HMGCLL1: variants seen among roughly 807,000 people sequenced by gnomAD.
HMGCLL1 encodes 3-hydroxymethyl-3-methylglutaryl-CoA lyase, cytoplasmic.
In HMGCLL1, 36 loss-of-function variants were observed where a neutral mutation model predicts 39.1. The observed-to-expected ratio is 0.92, with a 90% CI of 0.71 to 1.22. The LOEUF is 1.22. HMGCLL1 is among the 50% of genes most tolerant of loss of function. The probability of loss-of-function intolerance (pLI) is 0.00; values close to 1 mark genes in which losing one functional copy is unlikely to be tolerated. For synonymous variants in HMGCLL1, 149 were observed against 144.0 expected (o/e 1.03, Z -0.25); for missense variants, 451 against 416.5 (o/e 1.08, Z -0.72).
chr6:55,496,756 T>C (rs1051011343), intron 6 of HMGCLL1, among the ~76,000 whole-genome samples: 1 of 152,136 alleles, frequency 6.6e-6, no homozygotes, highest in East Asian at 1.9e-4. Flanking sequence ...CATCATAGAT[T>C]GAGGTCTCCA....
At chr6:55,618,492 T>A in the HMGCLL1 span, among the ~76,000 whole-genome samples, 5 of 151,886 alleles carry the variant, frequency 3.3e-5, no homozygotes, top group Non-Finnish European at 5.9e-5. Context: ...AGAGAACAAA[T>A]AGAGAAGAAA....
chr6:55,627,951 CTATATATATAA>C, the HMGCLL1 span, among the ~76,000 whole-genome samples: 1 of 4,572 alleles, frequency 2.2e-4, no homozygotes, highest in African/African-American at 1.2e-3. Flanking sequence ...AGTATATATA[CTATATATATAA>C]TATATATATA....
chr6:55,580,409 T>TC (rs1771957715), upstream of HMGCLL1, among the ~76,000 whole-genome samples: 22 of 50,146 alleles, frequency 4.4e-4, no homozygotes, highest in Non-Finnish European at 6.6e-4. Flanking sequence ...TTTCTTTCTT[T>TC]TTTTTTTTTT....
At chr6:55,588,238 G>A in the HMGCLL1 span, among the ~76,000 whole-genome samples, 1 of 152,086 alleles carries the variant, frequency 6.6e-6, no homozygotes, top group Admixed American at 6.6e-5. Context: ...CCAGAACTCA[G>A]GATGAAGAAA....
At chr6:55,463,918 GA>G (rs1412452250) in intron 7 of HMGCLL1, among the ~76,000 whole-genome samples, 2 of 152,026 alleles carry the variant, frequency 1.3e-5, no homozygotes, top group Admixed American at 1.3e-4. Flanking sequence ...AAAATAGGAA[GA>G]AAAAATGAGA....
chr6:55,593,464 A>G, the HMGCLL1 span, among the ~76,000 whole-genome samples: 2 of 152,174 alleles, frequency 1.3e-5, no homozygotes, highest in African/African-American at 4.8e-5. Flanking sequence ...GTGTGGGAGA[A>G]GTGATATTTC....
At chr6:55,536,840 C>T (rs556212603) in intron 3 of HMGCLL1, among the ~76,000 whole-genome samples, 1 of 152,046 alleles carries the variant, frequency 6.6e-6, no homozygotes, top group Non-Finnish European at 1.5e-5. Context: ...AGGAGGGAAA[C>T]TGTAAAAAAG....
chr6:55,603,588 A>G, the HMGCLL1 span, among the ~76,000 whole-genome samples: 1 of 152,110 alleles, frequency 6.6e-6, no homozygotes, highest in African/African-American at 2.4e-5. Flanking sequence ...GATTTGGGAA[A>G]CAGAAAAATG....
chr6:55,617,743 C>T, the HMGCLL1 span, among the ~76,000 whole-genome samples: 1 of 152,044 alleles, frequency 6.6e-6, no homozygotes, highest in African/African-American at 2.4e-5. Context: ...GATATATACC[C>T]TCTGTGCATC....
chr6:55,440,146 C>T (rs1483321877), intron 7 of HMGCLL1, among the ~76,000 whole-genome samples: 2 of 152,120 alleles, frequency 1.3e-5, no homozygotes, highest in Non-Finnish European at 2.9e-5. Flanking sequence ...AGAGACAAAA[C>T]ACTTGCCACC....
chr6:55,592,978 T>C, the HMGCLL1 span, among the ~76,000 whole-genome samples: 3 of 152,210 alleles, frequency 2.0e-5, no homozygotes, highest in South Asian at 2.1e-4. Flanking sequence ...GTGAAATCTA[T>C]AAAAAGCATG....
intron 7 of HMGCLL1, among the ~76,000 whole-genome samples, chr6:55,469,161 GA>G (rs1433675336): frequency 7.8e-5 from 11 of 140,532 alleles, no homozygotes; most frequent in South Asian, 6.8e-4. Context: ...AAAAAAAAAA[GA>G]AAAAAAGATT....
chr6:55,485,021 T>C (rs867878302), intron 7 of HMGCLL1, among the ~76,000 whole-genome samples: 5 of 152,200 alleles, frequency 3.3e-5, no homozygotes, highest in Non-Finnish European at 5.9e-5. Flanking sequence ...ACTGGCCACA[T>C]GTTGTTTGTT....
the HMGCLL1 span, among the ~76,000 whole-genome samples, chr6:55,630,375 G>T: frequency 6.6e-5 from 10 of 152,124 alleles, no homozygotes; most frequent in South Asian, 2.1e-4. Context: ...TACCCCTATT[G>T]TATCTAGGAA....
At chr6:55,596,109 G>A in the HMGCLL1 span, among the ~76,000 whole-genome samples, 35 of 152,276 alleles carry the variant, frequency 2.3e-4, no homozygotes, top group African/African-American at 8.4e-4. Flanking sequence ...TGGATCACTT[G>A]AGGCCAGGAG....
chr6:55,477,328 T>TTAGATAATATATATTA (rs1554143270), intron 7 of HMGCLL1, among the ~76,000 whole-genome samples: 1 of 18,060 alleles, frequency 5.5e-5, no homozygotes, highest in Non-Finnish European at 8.0e-5. Flanking sequence ...TATATTATAT[T>TTAGATAATATATATTA]ATATAATATA....
At chr6:55,449,222 T>C (rs1763978954) in intron 7 of HMGCLL1, among the ~76,000 whole-genome samples, 1 of 152,212 alleles carries the variant, frequency 6.6e-6, no homozygotes, top group African/African-American at 2.4e-5. Context: ...CTAGCTGATA[T>C]TACCAAGCTG....
At chr6:55,654,500 C>T in the HMGCLL1 span, among the ~76,000 whole-genome samples, 5 of 151,980 alleles carry the variant, frequency 3.3e-5, no homozygotes, top group East Asian at 7.8e-4. Context: ...TATCGACTAA[C>T]TCTGGTTCCT....
chr6:55,568,437 A>G (rs1184647343), intron 1 of HMGCLL1, among the ~76,000 whole-genome samples: 1 of 152,214 alleles, frequency 6.6e-6, no homozygotes, highest in Non-Finnish European at 1.5e-5. Flanking sequence ...CCAAACATCT[A>G]TAATCACAGG....
Sources: allele counts gnomAD v4.1 joint callset (sites outside exome capture counted in the v4.1 genomes callset), GRCh38; gene constraint gnomAD v4.1.1; transcripts MANE v1.5; gene names NCBI Gene and HGNC (gene_info 2026-07-23, HGNC 2026-07-21).